The following GOLGA2 variants were observed in gnomAD, a reference collection of about 807,000 sequenced individuals.
GOLGA2 encodes the protein golgin subfamily A member 2.
In GOLGA2, 49 loss-of-function variants were observed where a neutral mutation model predicts 148.8. That is an observed-to-expected ratio of 0.33 (90% CI 0.26 to 0.42). The LOEUF is 0.42. GOLGA2 is among the 10% of genes least tolerant of loss of function. The pLI is 1.00. For synonymous variants in GOLGA2, 501 were observed against 511.8 expected (o/e 0.98, Z 0.28); for missense variants, 1,178 against 1,304.6 (o/e 0.90, Z 1.49).
rs754414816 is a variant in GOLGA2 at position 128,257,375 on chromosome 9, G to A, written c.2869C>T (p.Gln957Ter). ...TCCCGAGGGCTCTACTCACCACCCT[G>A]CTGGTTGGCAGCCCCAAGTTCCTGG... ...APQELGAANQ[Q>*]GDLCEVSLAG... The change falls in exon 26 of 27, where the codon CAG becomes TAG. Residue 957 changes from glutamine (Q) to a stop codon, truncating the protein, a stop_gained. Coordinates refer to ENST00000611957, the MANE Select transcript of GOLGA2 (RefSeq NM_001366244.2). LOFTEE classifies it high-confidence loss of function. The surrounding 1 kb of genome is among the most constrained non-coding windows in gnomAD (Gnocchi z 8.0). 6.2e-7 allele frequency: 1 copy of A among 1,613,022 alleles called. No individual in the cohort carries two copies. The highest frequency in any genetic ancestry group is 8.5e-7 in the Non-Finnish European group (1 of 1,179,978).
rs531016383 is a variant in GOLGA2 at position 128,256,340 on chromosome 9, C to T, written c.*727G>A. Reference sequence around the variant, plus strand: ...TAAGGGTCTACACATTTGTCTCCCCCCATTAGACAGGGGTCTTATTTGCTA... The same window carrying T: ...TAAGGGTCTACACATTTGTCTCCCCTCATTAGACAGGGGTCTTATTTGCTA... On this transcript the variant is annotated 3_prime_UTR_variant, in exon 27 of 27. Transcript: ENST00000611957. 3 of 152,460 alleles carry T rather than the reference C, an allele frequency of 2.0e-5. No individual in the cohort carries two copies. Among genetic ancestry groups the T allele is most frequent in the Non-Finnish European group, 2.9e-5 (2 of 68,134 alleles). 9.4% of individuals were successfully genotyped at this position (152,460 alleles called of 1,614,324 possible).
intron 12 of GOLGA2, 72 bp from the exon 13 acceptor site, chr9:128,263,164 A>G: frequency 1.2e-6 from 1 of 843,114 alleles, no homozygotes; most frequent in Admixed American, 1.7e-5. Flanking sequence ...AACAACAGCT[A>G]CAGTAAGTAC....
intron 1 of GOLGA2, among the ~76,000 whole-genome samples, chr9:128,275,184 G>C (rs992019089): frequency 6.6e-6 from 1 of 152,178 alleles, no homozygotes; most frequent in African/African-American, 2.4e-5. Flanking sequence ...AAGGCAGCCT[G>C]AAACCTCTCC....
chr9:128,272,039 T>TA lies in GOLGA2; in HGVS notation c.288+745_288+746insT, dbSNP rs1203147672. ...TACTCTTAAACCAAAGTGAATTAATTTAAAAAAAAAAAAAAAACACTAACT... is the reference window on the plus strand; with the variant it reads ...TACTCTTAAACCAAAGTGAATTAATTATAAAAAAAAAAAAAAAACACTAACT... On this transcript the variant is annotated intron_variant, in intron 3 of 26. Transcript: ENST00000611957. Among the ~76,000 whole-genome samples, 214 of 143,292 alleles carry TA rather than the reference T, an allele frequency of 1.5e-3. 1 individual carries two copies. Among genetic ancestry groups the TA allele is most frequent in the African/African-American group, 4.6e-3 (180 of 38,964 alleles). 94.0% of individuals were successfully genotyped at this position (143,292 alleles called of 152,430 possible).
chr9:128,258,842 T>C lies in GOLGA2; in HGVS notation c.2173+165A>G. 1 of 644,010 alleles carries C rather than the reference T, an allele frequency of 1.6e-6. No individual in the cohort carries two copies. Among genetic ancestry groups the C allele is most frequent in the Non-Finnish European group, 2.7e-6 (1 of 366,758 alleles). 39.9% of individuals were successfully genotyped at this position (644,010 alleles called of 1,614,324 possible). A position where few individuals can be genotyped will look rare whatever the true frequency, so the allele number is the denominator to read the frequency against. On this transcript the variant is annotated intron_variant, in intron 21 of 26. Transcript: ENST00000611957. The surrounding 1 kb of genome is among the most constrained non-coding windows in gnomAD (Gnocchi z 6.6). ...ATCCTTAGGTAAGCTGGTAGTGCCC[T>C]GCTCCCAGGAAGTCACCATATTGAT...
intron 8 of GOLGA2, 103 bp downstream of exon 8, chr9:128,267,091 C>T: frequency 1.2e-6 from 1 of 836,428 alleles, no homozygotes; most frequent in Non-Finnish European, 2.1e-6. Flanking sequence ...TCCCCATTCG[C>T]CCTTGGCACC....
chr9:128,263,367 C>T lies in GOLGA2; in HGVS notation c.934-275G>A, dbSNP rs528886697. Among the ~76,000 whole-genome samples the T allele has an allele frequency of 1.4e-4, 22 of 152,336 alleles. No homozygotes were observed. The South Asian group carries it at 4.1e-3, about 29-fold the overall frequency. ...CCTGGTCCAAGTGACTCTCCTGCCT[C>T]AGCCTCCTGAGTAGCTGGGACTATA... is the stretch of plus-strand genomic sequence containing the variant. On this transcript the variant is annotated intron_variant, in intron 12 of 26. Coordinates refer to ENST00000611957, the MANE Select transcript of GOLGA2 (RefSeq NM_001366244.2).
chr9:128,265,662 G>C lies in GOLGA2; in HGVS notation c.856C>G (p.Gln286Glu), dbSNP rs1306608408. 1 of 1,613,772 alleles carries C rather than the reference G, an allele frequency of 6.2e-7. No homozygotes were observed. Among genetic ancestry groups the C allele is most frequent in the South Asian group, 1.1e-5 (1 of 91,082 alleles). The change falls in exon 12 of 27, where the codon CAG becomes GAG. Residue 286 changes from glutamine to glutamate, a missense_variant. By Grantham distance (29) the Gln-to-Glu change is conservative. Transcript: ENST00000611957. The stretch of plus-strand genomic sequence containing the variant: ...TCTCCCACACGCCGCCGGGAATACT[G>C]CAGGCGGCTGGCCAGATCTTCAGAC... ...GESEDLASRL[Q>E]YSRRRVGELE...
In GOLGA2 at chr9:128,275,374, A is replaced by T; in HGVS notation, c.84+519T>A. ...GTCACTACATTCCACTCCTAGGGGG[A>T]ACATCAGCGCGACGTCCAAGTCGCC... is the stretch of plus-strand genomic sequence containing the variant. On this transcript the variant is annotated intron_variant, in intron 1 of 26. Coordinates refer to ENST00000611957, the MANE Select transcript of GOLGA2 (RefSeq NM_001366244.2). 3.1e-6 allele frequency: 4 copies of T among 1,279,436 alleles called. No homozygotes were observed. The South Asian group carries it at 1.1e-4, about 36-fold the overall frequency. 79.3% of individuals were successfully genotyped at this position (1,279,436 alleles called of 1,614,324 possible).
Position 128,258,187 on chromosome 9 carries a change from G to A in GOLGA2, c.2301C>T (p.Phe767=). The change falls in exon 23 of 27, where the codon TTC becomes TTT. Residue 767 remains phenylalanine (F), a synonymous_variant. Coordinates refer to ENST00000611957, the MANE Select transcript of GOLGA2 (RefSeq NM_001366244.2). The surrounding 1 kb of genome is among the most constrained non-coding windows in gnomAD (Gnocchi z 6.6). ...LESREAMVAF[F]NSAVASAEEE... ...CCTCGGCACTGGCTACAGCTGAGTT[G>A]AAAAATGCCACCTGCAGGCAAGAGG... 6.3e-7 allele frequency: 1 copy of A among 1,593,786 alleles called. No individual in the cohort carries two copies. The highest frequency in any genetic ancestry group is 8.5e-7 in the Non-Finnish European group (1 of 1,172,248).
chr9:128,260,710 C>A lies in GOLGA2; in HGVS notation c.1513G>T (p.Gly505Cys). 6.2e-7 allele frequency: 1 copy of A among 1,613,506 alleles called. No homozygotes were observed. Among genetic ancestry groups the A allele is most frequent in the Non-Finnish European group, 8.5e-7 (1 of 1,179,904 alleles). Residue 505 changes from glycine (G) to cysteine (C), a missense_variant, in exon 18 of 27, where the codon GGT (glycine) becomes TGT (cysteine). Physicochemically the swap from Gly to Cys is radical, Grantham distance 159. This residue lies in a region of GOLGA2 where 529 missense variants were observed against 521.8 expected (regional missense o/e 1.01). Transcript: ENST00000611957. The surrounding 1 kb of genome is among the most constrained non-coding windows in gnomAD (Gnocchi z 4.8). ...EAEHLRKELE[G>C]LAGQLQAQVQ... ...TGGGCTTGAAGCTGTCCTGCCAGAC[C>A]CTCCAGCTCCTTCCGCAGGTGCTCA...
At chr9:128,272,933 A>C (rs766898622) in intron 2 of GOLGA2, 68 bp from the exon 3 acceptor site, 3 of 523,012 alleles carry the variant, frequency 5.7e-6, no homozygotes, top group Non-Finnish European at 9.7e-6. Flanking sequence ...GAGAGAGGCA[A>C]GAAAGTCAGG....
intron 13 of GOLGA2, 33 bp from the exon 14 acceptor site, chr9:128,262,737 CGAAGA>C: frequency 6.2e-7 from 1 of 1,600,100 alleles, no homozygotes; most frequent in South Asian, 1.1e-5. Context: ...AAGGAATGAA[CGAAGA>C]ACAGAAAGGA....
intron 3 of GOLGA2, among the ~76,000 whole-genome samples, chr9:128,269,284 G>GA (rs1830785684): frequency 4.7e-5 from 7 of 149,398 alleles, no homozygotes; most frequent in African/African-American, 1.8e-4. Flanking sequence ...CTTTTCAGGG[G>GA]GAAAAAAAAA....
At chr9:128,264,206 A>C (rs1352454414) in intron 12 of GOLGA2, among the ~76,000 whole-genome samples, 2 of 150,970 alleles carry the variant, frequency 1.3e-5, no homozygotes, top group African/African-American at 4.9e-5. Flanking sequence ...ACAGGGAGAG[A>C]GAGCGAATTT....
rs1831329174 is a variant in GOLGA2 at position 128,275,922 on chromosome 9, G to A, written c.55C>T (p.Gln19Ter). ...TTCTTCGCTGCGGCCAATTTGCTCT[G>A]TCGGGTTTCTTCCGACATCGCGGGG... ...PRPAMSEETRQSKLAAAKKKL... is the reference protein window; with the variant it reads ...PRPAMSEETR Residue 19 changes from glutamine to a stop codon, truncating the protein, a stop_gained, in exon 1 of 27, where the codon CAG (glutamine) becomes TAG (stop). Transcript: ENST00000611957. LOFTEE classifies it high-confidence loss of function. The A allele has an allele frequency of 6.3e-7, 1 of 1,591,026 alleles. No homozygotes were observed. Among genetic ancestry groups the A allele is most frequent in the Non-Finnish European group, 8.6e-7 (1 of 1,169,500 alleles).
Position 128,260,903 on chromosome 9 carries a change from G to A in GOLGA2, c.1421-101C>T. 1 of 830,754 alleles carries A rather than the reference G, an allele frequency of 1.2e-6. No individual in the cohort carries two copies. The highest frequency in any genetic ancestry group is 1.9e-6 in the Non-Finnish European group (1 of 533,862). 51.5% of individuals were successfully genotyped at this position (830,754 alleles called of 1,614,324 possible). On this transcript the variant is annotated intron_variant, in intron 17 of 26. Coordinates refer to ENST00000611957, the MANE Select transcript of GOLGA2 (RefSeq NM_001366244.2). This position sits in a 1 kb window ranked among gnomAD's most constrained non-coding sequence, Gnocchi z 4.8. ...GCTCCCCAAACTTGGCCTCCCTGCT[G>A]ATGATTCCTCGCACCCGGATGTTAG...
Position 128,258,321 on chromosome 9 carries a change from G to A in GOLGA2, c.2290-123C>T. On this transcript the variant is annotated intron_variant, in intron 22 of 26. Coordinates refer to ENST00000611957, the MANE Select transcript of GOLGA2 (RefSeq NM_001366244.2). The surrounding 1 kb of genome is among the most constrained non-coding windows in gnomAD (Gnocchi z 6.6). ...ACTTGTTGGTCCCAAGTGAAATGGT[G>A]TCTCACCACTGGCTCCCAGGAAAGG... The A allele has an allele frequency of 2.7e-6, 3 of 1,129,444 alleles. No homozygotes were observed. The highest frequency in any genetic ancestry group is 1.4e-5 in the South Asian group (1 of 71,726). The allele number at this position is 1,129,444 out of a possible 1,614,324, so 70.0% of individuals were successfully genotyped here.
rs1830027401 is a variant in GOLGA2, at chr9:128,258,243, G to A, written c.2290-45C>T. ...ATTCTTGTAGGAGGATATATAGGAT[G>A]AACAGGGCAGGGAGGTAGAGAGCAG... On this transcript the variant is annotated intron_variant, in intron 22 of 26. Coordinates refer to ENST00000611957, the MANE Select transcript of GOLGA2 (RefSeq NM_001366244.2). This position sits in a 1 kb window ranked among gnomAD's most constrained non-coding sequence, Gnocchi z 6.6. 7.0e-7 allele frequency: 1 copy of A among 1,438,848 alleles called. No individual in the cohort carries two copies. The highest frequency in any genetic ancestry group is 9.5e-7 in the Non-Finnish European group (1 of 1,050,616). The allele number at this position is 1,438,848 out of a possible 1,614,324, so 89.1% of individuals were successfully genotyped here. A position where few individuals can be genotyped will look rare whatever the true frequency, so the allele number is the denominator to read the frequency against.
Sources: gnomAD v4.1 joint callset for allele counts (sites outside exome capture counted in the v4.1 genomes callset) on GRCh38, gnomAD v4.1.1 for gene constraint, gnomAD v4.1.1 regional missense constraint, Gnocchi (gnomAD v3.1) non-coding constraint, MANE v1.5 for transcripts, NCBI Gene and HGNC (gene_info 2026-07-23, HGNC 2026-07-21) for gene names.